The following OTUD4 variants were observed in gnomAD, a reference collection of about 807,000 sequenced individuals.
OTUD4 encodes OTU domain-containing protein 4.
OTUD4 carries 24 observed loss-of-function variants against 130.4 expected under a neutral mutation model. The observed-to-expected ratio is 0.18, with a 90% CI of 0.13 to 0.26. OTUD4 has a LOEUF of 0.26. Among genes scored for constraint, OTUD4 ranks in the 10% least tolerant of loss-of-function variants. The probability of loss-of-function intolerance (pLI) is 1.00; values close to 1 mark genes in which losing one functional copy is unlikely to be tolerated. For synonymous variants in OTUD4, 420 were observed against 472.5 expected (o/e 0.89, Z 1.44); for missense variants, 1,031 against 1,329.4 (o/e 0.78, Z 3.49).
intron 2 of OTUD4, among the ~76,000 whole-genome samples, chr4:145,173,981 C>A (rs1752300316): frequency 6.6e-6 from 1 of 151,270 alleles, no homozygotes; most frequent in Admixed American, 6.6e-5. Flanking sequence ...TTACACTCAG[C>A]GTATTTTTTA....
intron 4 of OTUD4, among the ~76,000 whole-genome samples, chr4:145,164,822 G>GTA (rs1375235209): frequency 6.6e-6 from 1 of 152,050 alleles, no homozygotes; most frequent in Non-Finnish European, 1.5e-5. Context: ...TTGTAACATG[G>GTA]TATTTTAGTA....
chr4:145,174,559 C>A, intron 2 of OTUD4, 102 bp downstream of exon 2: 1 of 671,802 alleles, frequency 1.5e-6, no homozygotes, highest in South Asian at 1.7e-5. Context: ...TTTTCATAAC[C>A]CGCATTAAGA....
rs1751805228 is a variant in OTUD4, at chr4:145,165,469, TGTTAA to T, written c.295-277_295-273del. On this transcript the variant is annotated intron_variant, in intron 3 of 20. Transcript: ENST00000447906. The stretch of plus-strand genomic sequence containing the variant: ...TGTGGCAAGACCACAGCATGGCATC[TGTTAA>T]GTTGAGACTTTTTTTTTTTTGAGAT... 2.6e-5 allele frequency among the ~76,000 whole-genome samples: 4 copies of T among 152,230 alleles called. No individual in the cohort carries two copies. In the South Asian group the frequency reaches 8.3e-4, roughly 32 times the overall value.
intron 17 of OTUD4, 66 bp from the exon 18 acceptor site, chr4:145,142,400 T>G: frequency 7.0e-7 from 1 of 1,420,172 alleles, no homozygotes. Context: ...TTAACACTAT[T>G]TCTAACCACC....
rs930902512 is a variant in OTUD4, at chr4:145,137,159, ATACTT to A, written c.*266_*270del. The stretch of plus-strand genomic sequence containing the variant: ...TTTTATATTAAGCTGTTTATAAAAA[ATACTT>A]TAACAAACTTATCTTCTACTTTTTA... On this transcript the variant is annotated 3_prime_UTR_variant, in exon 21 of 21. Coordinates refer to ENST00000447906, the MANE Select transcript of OTUD4 (RefSeq NM_001366057.1). 28 of 325,506 alleles carry A rather than the reference ATACTT, an allele frequency of 8.6e-5. No homozygotes were observed. Among genetic ancestry groups the A allele is most frequent in the Admixed American group, 4.5e-5 (1 of 22,174 alleles). The allele number at this position is 325,506 out of a possible 1,614,324, so 20.2% of individuals were successfully genotyped here.
At chr4:145,152,718 CTTTT>C (rs376046110) in intron 10 of OTUD4, 83 bp from the exon 11 acceptor site, 6 of 583,328 alleles carry the variant, frequency 1.0e-5, no homozygotes, top group African/African-American at 6.0e-5. Flanking sequence ...TTTTGCGGTT[CTTTT>C]TTTTTTTTTC....
Position 145,138,568 on chromosome 4 carries a change from G to T in OTUD4, c.2207C>A (p.Pro736Gln), listed in dbSNP as rs1202423019. The T allele has an allele frequency of 1.2e-6, 2 of 1,613,918 alleles. No individual in the cohort carries two copies. The highest frequency in any genetic ancestry group is 1.7e-6 in the Non-Finnish European group (2 of 1,179,984). Residue 736 changes from proline to glutamine, a missense_variant, in exon 21 of 21, where the codon CCA becomes CAA. Pro to Gln is a moderately conservative substitution (Grantham distance 76). This residue lies in a region of OTUD4 where 900 missense variants were observed against 1,095.9 expected (regional missense o/e 0.82). Coordinates refer to ENST00000447906, the MANE Select transcript of OTUD4 (RefSeq NM_001366057.1). ...QAYLAACRMY[P>Q]KVPVPVYPHN... is the part of the protein sequence containing the mutation. ...AGGATAAACAGGGACAGGGACCTTT[G>T]GGTACATCCTGCAGGCTGCCAGGTA...
Position 145,171,654 on chromosome 4 carries a change from G to C in OTUD4, c.294+16C>G, listed in dbSNP as rs1579289151. The C allele has an allele frequency of 1.8e-6, 2 of 1,116,702 alleles. No homozygotes were observed. The highest frequency in any genetic ancestry group is 1.8e-5 in the Admixed American group (1 of 55,420). 69.2% of individuals were successfully genotyped at this position (1,116,702 alleles called of 1,614,324 possible). A position where few individuals can be genotyped will look rare whatever the true frequency, so the allele number is the denominator to read the frequency against. On this transcript the variant is annotated intron_variant, in intron 3 of 20. Coordinates refer to ENST00000447906, the MANE Select transcript of OTUD4 (RefSeq NM_001366057.1). ...GATATATAAAAATAGAAATATACTAGAAGACTGTGACATACCTGTGGATTT... is the reference window on the plus strand; with the variant it reads ...GATATATAAAAATAGAAATATACTACAAGACTGTGACATACCTGTGGATTT...
chr4:145,151,877 T>C (rs896205644), intron 11 of OTUD4, among the ~76,000 whole-genome samples: 4 of 152,156 alleles, frequency 2.6e-5, no homozygotes, highest in Non-Finnish European at 4.4e-5. Flanking sequence ...CAACAATATT[T>C]TGCTACTCCA....
Position 145,180,136 on chromosome 4 carries a change from C to A in OTUD4, c.-163G>T. The stretch of plus-strand genomic sequence containing the variant: ...GCGGCCCGAGGCAGCGGTCCGCGCT[C>A]TCCGGGCGCATAGGGAAGCCCTGCC... On this transcript the variant is annotated 5_prime_UTR_variant, in exon 1 of 21. Coordinates refer to ENST00000447906, the MANE Select transcript of OTUD4 (RefSeq NM_001366057.1). 1 of 320,460 alleles carries A rather than the reference C, an allele frequency of 3.1e-6. No individual in the cohort carries two copies. The highest frequency in any genetic ancestry group is 1.2e-4 in the South Asian group (1 of 8,522). The allele number at this position is 320,460 out of a possible 1,614,324, so 19.9% of individuals were successfully genotyped here. A position where few individuals can be genotyped will look rare whatever the true frequency, so the allele number is the denominator to read the frequency against.
Position 145,150,592 on chromosome 4 carries a change from T to C in OTUD4, c.1180A>G (p.Ser394Gly), listed in dbSNP as rs1751022438. Reference protein sequence around the residue: ...PSGVRQHAFSSHSSGSQSQKF... With the variant: ...PSGVRQHAFSGHSSGSQSQKF... ...TGAGACTGTGACCCTGAAGAATGAC[T>C]AGAGAACGCATGTTGTCTTACTCCT... The change falls in exon 13 of 21, where the codon AGT (serine) becomes GGT (glycine). Residue 394 changes from serine (S) to glycine (G), a missense_variant. Transcript: ENST00000447906. 1.2e-6 allele frequency: 2 copies of C among 1,613,398 alleles called. No homozygotes were observed. The highest frequency in any genetic ancestry group is 1.7e-5 in the Admixed American group (1 of 60,020).
At position 145,150,596 on chromosome 4, in the gene OTUD4, G is replaced by T. The variant is rs1751022691; in HGVS notation, c.1176C>A (p.Phe392Leu). 1.9e-6 allele frequency: 3 copies of T among 1,613,128 alleles called. No homozygotes were observed. Among genetic ancestry groups the T allele is most frequent in the Non-Finnish European group, 2.5e-6 (3 of 1,179,134 alleles). The change falls in exon 13 of 21, where the codon TTC becomes TTA. Residue 392 changes from phenylalanine to leucine, a missense_variant. Coordinates refer to ENST00000447906, the MANE Select transcript of OTUD4 (RefSeq NM_001366057.1). ...QHPSGVRQHA[F>L]SSHSSGSQSQ... Reference sequence around the variant, plus strand: ...ACTGTGACCCTGAAGAATGACTAGAGAACGCATGTTGTCTTACTCCTGAAG... The same window carrying T: ...ACTGTGACCCTGAAGAATGACTAGATAACGCATGTTGTCTTACTCCTGAAG...
At position 145,180,141 on chromosome 4, in the gene OTUD4, G is replaced by A. The variant is rs1269620155; in HGVS notation, c.-168C>T. Reference sequence around the variant, plus strand: ...CCGAGGCAGCGGTCCGCGCTCTCCGGGCGCATAGGGAAGCCCTGCCTAATG... The same window carrying A: ...CCGAGGCAGCGGTCCGCGCTCTCCGAGCGCATAGGGAAGCCCTGCCTAATG... On this transcript the variant is annotated 5_prime_UTR_variant, in exon 1 of 21. Coordinates refer to ENST00000447906, the MANE Select transcript of OTUD4 (RefSeq NM_001366057.1). 4 of 286,404 alleles carry A rather than the reference G, an allele frequency of 1.4e-5. No homozygotes were observed. The highest frequency in any genetic ancestry group is 2.2e-5 in the Non-Finnish European group (4 of 182,382). The allele number at this position is 286,404 out of a possible 1,614,324, so 17.7% of individuals were successfully genotyped here.
intron 11 of OTUD4, among the ~76,000 whole-genome samples, chr4:145,151,231 T>C (rs780402177): frequency 6.6e-6 from 1 of 152,220 alleles, no homozygotes; most frequent in Non-Finnish European, 1.5e-5. Context: ...TTTGTTCTGT[T>C]AGAGAAACAT....
chr4:145,143,486 A>C, intron 16 of OTUD4, 41 bp from the exon 17 acceptor site: 1 of 1,194,172 alleles, frequency 8.4e-7, no homozygotes, highest in Non-Finnish European at 1.2e-6. Flanking sequence ...TATTTCAGAG[A>C]CCCACATTCT....
chr4:145,154,483 A>G (rs942941546), intron 10 of OTUD4, among the ~76,000 whole-genome samples: 1 of 152,252 alleles, frequency 6.6e-6, no homozygotes, highest in Non-Finnish European at 1.5e-5. Context: ...TAGTTTTTTT[A>G]AAAGGCAACA....
At chr4:145,161,002 CG>C (rs1430576729) in intron 6 of OTUD4, among the ~76,000 whole-genome samples, 1 of 151,838 alleles carries the variant, frequency 6.6e-6, no homozygotes, top group African/African-American at 2.4e-5. Context: ...CCAAGCTACT[CG>C]GGAGGCTGAG....
chr4:145,139,498 G>T (rs745694638), intron 20 of OTUD4, among the ~76,000 whole-genome samples: 5 of 152,168 alleles, frequency 3.3e-5, no homozygotes, highest in Non-Finnish European at 5.9e-5. Context: ...TACATAGGAG[G>T]ATGTACACGT....
rs1750701893 is a variant in OTUD4 at position 145,143,953 on chromosome 4, G to A, written c.1595C>T (p.Thr532Ile). The A allele has an allele frequency of 1.2e-6, 2 of 1,611,684 alleles. No individual in the cohort carries two copies. Among genetic ancestry groups the A allele is most frequent in the African/African-American group, 1.3e-5 (1 of 74,960 alleles). The change falls in exon 16 of 21, where the codon ACA becomes ATA. Residue 532 changes from threonine to isoleucine, a missense_variant. By Grantham distance (89) the Thr-to-Ile change is moderately conservative. This residue lies in a region of OTUD4 where 900 missense variants were observed against 1,095.9 expected (regional missense o/e 0.82). Coordinates refer to ENST00000447906, the MANE Select transcript of OTUD4 (RefSeq NM_001366057.1). ...AGTGTTTAAAACTTTTACCTCCAAT[G>A]TGCTTGGTTCGGGTCTTTTATCCAA... The part of the protein sequence containing the change: ...SQLDKRPEPS[T>I]LENITDDKYA...
Sources: allele counts gnomAD v4.1 joint callset (sites outside exome capture counted in the v4.1 genomes callset), GRCh38; gene constraint gnomAD v4.1.1; regional missense constraint gnomAD v4.1.1; transcripts MANE v1.5; gene names NCBI Gene and HGNC (gene_info 2026-07-23, HGNC 2026-07-21).